Variants in DDX23 observed in about 807,000 individuals in gnomAD.
The protein encoded by DDX23 is DEAD-box helicase 23.
In DDX23, 33 loss-of-function variants were observed where a neutral mutation model predicts 102.7. The ratio of observed to expected loss-of-function variants is 0.32; its 90% CI spans 0.24 to 0.43. DDX23 has a LOEUF of 0.43. Among genes scored for constraint, DDX23 ranks in the 20% least tolerant of loss-of-function variants. The probability of loss-of-function intolerance (pLI) is 1.00; values close to 1 mark genes in which losing one functional copy is unlikely to be tolerated. For missense variants in DDX23, 549 were observed against 1,086.6 expected (o/e 0.51, Z 6.96); for synonymous variants, 352 against 376.0 (o/e 0.94, Z 0.74).
rs202163456 is a variant in DDX23, at chr12:48,836,834, C to T, written c.1011-40G>A. 22 of 1,613,294 alleles carry T rather than the reference C, an allele frequency of 1.4e-5. No homozygotes were observed. In the East Asian group the frequency reaches 4.9e-4, roughly 36 times the overall value. The stretch of plus-strand genomic sequence containing the variant: ...GAGGAGTAAGTAGAATCAGTGCCCT[C>T]CAACTCCTTTCTGTAGAGCCTCTGG... On this transcript the variant is annotated intron_variant, in intron 9 of 16. Coordinates refer to ENST00000308025, the MANE Select transcript of DDX23 (RefSeq NM_004818.3). The surrounding 1 kb of genome is among the most constrained non-coding windows in gnomAD (Gnocchi z 6.1).
chr12:48,845,925 T>C, intron 1 of DDX23, 143 bp from the exon 2 acceptor site: 1 of 926,040 alleles, frequency 1.1e-6, no homozygotes, highest in Non-Finnish European at 1.6e-6. Context: ...GGAGCTCAGG[T>C]ATATAAAGGA....
intron 1 of DDX23, among the ~76,000 whole-genome samples, chr12:48,846,130 A>T (rs1938662747): frequency 7.6e-6 from 1 of 131,764 alleles, no homozygotes; most frequent in Non-Finnish European, 1.7e-5. Context: ...TGCCTTGCCT[A>T]GCTAATTTAT....
intron 12 of DDX23, 54 bp downstream of exon 12, chr12:48,834,266 G>GC: frequency 6.5e-7 from 1 of 1,526,828 alleles, no homozygotes; most frequent in Non-Finnish European, 8.9e-7. Flanking sequence ...TAGAAACAAA[G>GC]CCCCAAGATA....
intron 1 of DDX23, among the ~76,000 whole-genome samples, 184 bp downstream of exon 1, chr12:48,851,900 A>C (rs903694736): frequency 1.3e-5 from 2 of 152,204 alleles, no homozygotes; most frequent in Non-Finnish European, 2.9e-5. Flanking sequence ...CTGTGCCCGG[A>C]GGAGCCAACA....
At chr12:48,851,420 C>G (rs1938756017) in intron 1 of DDX23, among the ~76,000 whole-genome samples, 1 of 151,910 alleles carries the variant, frequency 6.6e-6, no homozygotes, top group Non-Finnish European at 1.5e-5. Flanking sequence ...TTGCAGAGAA[C>G]CAAGATCGTG....
chr12:48,838,511 C>CTGTACTT (rs1378654480), intron 5 of DDX23, among the ~76,000 whole-genome samples: 1 of 150,860 alleles, frequency 6.6e-6, no homozygotes, highest in Non-Finnish European at 1.5e-5. Flanking sequence ...GATTGCACCA[C>CTGTACTT]TGTACTTTAG....
chr12:48,832,630 T>C lies in DDX23; in HGVS notation c.1804-57A>G. On this transcript the variant is annotated intron_variant, in intron 13 of 16. Transcript: ENST00000308025. This position sits in a 1 kb window ranked among gnomAD's most constrained non-coding sequence, Gnocchi z 4.4. ...AGGCAGGAATAATCATATATCCCAC[T>C]GTCACCGAAGGCAGGTCAGCCCAGA... 6.3e-7 allele frequency: 1 copy of C among 1,589,882 alleles called. No homozygotes were observed. The highest frequency in any genetic ancestry group is 8.6e-7 in the Non-Finnish European group (1 of 1,163,786).
intron 6 of DDX23, 138 bp from the exon 7 acceptor site, chr12:48,837,795 C>A (rs574880023): frequency 1.7e-4 from 258 of 1,529,648 alleles, no homozygotes; most frequent in Non-Finnish European, 2.0e-4. Context: ...GGAGATCTAA[C>A]AGAAAAATGT....
rs77365391 is a variant in DDX23 at position 48,830,830 on chromosome 12, C to T, written c.2240-138G>A. ...CAGCACATGCTGCCTGAACCTGAGG[C>T]GCCCACAGTGCCCTCTCCAGGTGCC... On this transcript the variant is annotated intron_variant, in intron 16 of 16. Coordinates refer to ENST00000308025, the MANE Select transcript of DDX23 (RefSeq NM_004818.3). The surrounding 1 kb of genome is among the most constrained non-coding windows in gnomAD (Gnocchi z 4.9). 659 of 925,334 alleles carry T rather than the reference C, an allele frequency of 7.1e-4. 11 individuals are homozygous for T. The African/African-American group carries it at 9.1e-3, about 13-fold the overall frequency. The allele number at this position is 925,334 out of a possible 1,614,324, so 57.3% of individuals were successfully genotyped here.
intron 11 of DDX23, among the ~76,000 whole-genome samples, chr12:48,835,914 G>C (rs1938463031): frequency 6.6e-6 from 1 of 152,082 alleles, no homozygotes; most frequent in Non-Finnish European, 1.5e-5. Flanking sequence ...AAATAAATCA[G>C]AGACTCCAGG....
In DDX23 at chr12:48,830,538, G is replaced by A. The variant is rs777659904; in HGVS notation, c.2394C>T (p.His798=). Residue 798 remains histidine (H), a synonymous_variant, in exon 17 of 17, where the codon CAC becomes CAT. Transcript: ENST00000308025. The surrounding 1 kb of genome is among the most constrained non-coding windows in gnomAD (Gnocchi z 4.9). ...TGCCTGGCTTATGCTGGGCATCTGG[G>A]TGGTTGGCTAGTTCGGGGGGACAGG... ...VSSCPPELAN[H]PDAQHKPGTI... is the part of the protein sequence containing the mutation. The A allele has an allele frequency of 4.1e-5, 66 of 1,613,746 alleles. 1 individual carries two copies. The South Asian group carries it at 6.3e-4, about 15-fold the overall frequency.
At position 48,830,553 on chromosome 12, in the gene DDX23, G is replaced by C. The variant is rs146973565; in HGVS notation, c.2379C>G (p.Pro793=). 1.2e-5 allele frequency: 19 copies of C among 1,613,686 alleles called. 1 individual carries two copies. The East Asian group carries it at 2.0e-4, about 17-fold the overall frequency. ...ILESPVSSCP[P]ELANHPDAQH... ...GGGCATCTGGGTGGTTGGCTAGTTC[G>C]GGGGGACAGGAAGACACTGGGCTTT... Residue 793 remains proline (P), a synonymous_variant, in exon 17 of 17, where the codon CCC becomes CCG. Coordinates refer to ENST00000308025, the MANE Select transcript of DDX23 (RefSeq NM_004818.3). The surrounding 1 kb of genome is among the most constrained non-coding windows in gnomAD (Gnocchi z 4.9).
chr12:48,844,021 T>A lies in DDX23; in HGVS notation c.239A>T (p.Asp80Val). 1 of 1,614,172 alleles carries A rather than the reference T, an allele frequency of 6.2e-7. No homozygotes were observed. The highest frequency in any genetic ancestry group is 8.5e-7 in the Non-Finnish European group (1 of 1,180,024). ...CTTCTTATTCCGATCCCGCTCCTTA[T>A]CTCGTTCTCGTTCTTTGTGCCGTCG... ...RERRHKERERDKERDRNKKDR... is the reference protein window; with the variant it reads ...RERRHKERERVKERDRNKKDR... Residue 80 changes from aspartate to valine, a missense_variant, in exon 3 of 17, where the codon GAT (aspartate) becomes GTT (valine). Physicochemically the swap from Asp to Val is radical, Grantham distance 152. This residue lies in a region of DDX23 where 241 missense variants were observed against 267.0 expected (regional missense o/e 0.90). Coordinates refer to ENST00000308025, the MANE Select transcript of DDX23 (RefSeq NM_004818.3).
At chr12:48,851,742 G>A (rs926315961) in intron 1 of DDX23, among the ~76,000 whole-genome samples, 1 of 152,228 alleles carries the variant, frequency 6.6e-6, no homozygotes, top group Non-Finnish European at 1.5e-5. Context: ...GGAAAACATG[G>A]ACTGACTGCG....
In DDX23 at chr12:48,830,729, G is replaced by A; in HGVS notation, c.2240-37C>T. Reference sequence around the variant, plus strand: ...GAAGAACGTCACTCAGCATAGCCCAGATGCCCTGGGGAGCCGTGTCTGATG... The same window carrying A: ...GAAGAACGTCACTCAGCATAGCCCAAATGCCCTGGGGAGCCGTGTCTGATG... On this transcript the variant is annotated intron_variant, in intron 16 of 16. Transcript: ENST00000308025. The surrounding 1 kb of genome is among the most constrained non-coding windows in gnomAD (Gnocchi z 4.9). 6.4e-7 allele frequency: 1 copy of A among 1,556,934 alleles called. No homozygotes were observed. Among genetic ancestry groups the A allele is most frequent in the Non-Finnish European group, 8.7e-7 (1 of 1,149,494 alleles).
chr12:48,831,274 G>A lies in DDX23; in HGVS notation c.2107C>T (p.Arg703Ter), dbSNP rs1391965800. Reference sequence around the variant, plus strand: ...TTGAGGTTGGACAACGCAAACTCTCGCTGCTCCTGGCCTTTTCCACCGTGC... The same window carrying A: ...TTGAGGTTGGACAACGCAAACTCTCACTGCTCCTGGCCTTTTCCACCGTGC... ...TLHGGKGQEQ[R>*]EFALSNLKAG... Residue 703 changes from arginine (R) to a stop codon, truncating the protein, a stop_gained, in exon 16 of 17, where the codon CGA becomes TGA. Coordinates refer to ENST00000308025, the MANE Select transcript of DDX23 (RefSeq NM_004818.3). LOFTEE classifies it high-confidence loss of function. 6.2e-7 allele frequency: 1 copy of A among 1,614,076 alleles called. No homozygotes were observed. Among genetic ancestry groups the A allele is most frequent in the Non-Finnish European group, 8.5e-7 (1 of 1,180,048 alleles).
Position 48,843,999 on chromosome 12 carries a change from C to T in DDX23, c.261G>A (p.Lys87=), listed in dbSNP as rs118006209. 9.9e-4 allele frequency: 1,605 copies of T among 1,614,152 alleles called. 19 individuals carry two copies. The East Asian group carries it at 0.032, about 32-fold the overall frequency. ...CATCCTTGTCTCGATCTCGGTCCTTCTTATTCCGATCCCGCTCCTTATCTC... is the reference window on the plus strand; with the variant it reads ...CATCCTTGTCTCGATCTCGGTCCTTTTTATTCCGATCCCGCTCCTTATCTC... ...RERDKERDRN[K]KDRDRDKDGH... Residue 87 remains lysine, a synonymous_variant, in exon 3 of 17, where the codon AAG becomes AAA. Transcript: ENST00000308025.
chr12:48,831,066 G>A, intron 16 of DDX23, 76 bp downstream of exon 16: 2 of 1,542,574 alleles, frequency 1.3e-6, no homozygotes, highest in Admixed American at 1.7e-5. Flanking sequence ...TCCATGGACA[G>A]CACCCTGACT....
At chr12:48,833,747 G>C (rs555850003) in intron 12 of DDX23, among the ~76,000 whole-genome samples, 4 of 152,110 alleles carry the variant, frequency 2.6e-5, no homozygotes, top group Admixed American at 1.3e-4. Flanking sequence ...GGATTAGACA[G>C]AGGAGGCAAA....
Sources: gnomAD v4.1 joint callset for allele counts (sites outside exome capture counted in the v4.1 genomes callset) on GRCh38, gnomAD v4.1.1 for gene constraint, gnomAD v4.1.1 regional missense constraint, Gnocchi (gnomAD v3.1) non-coding constraint, MANE v1.5 for transcripts, NCBI Gene and HGNC (gene_info 2026-07-23, HGNC 2026-07-21) for gene names.